PCDH9: variants seen among roughly 807,000 people sequenced by gnomAD.
The protein encoded by PCDH9 is protocadherin 9, also known as protocadherin-9.
PCDH9 carries 24 observed loss-of-function variants against 70.6 expected under a neutral mutation model. The observed-to-expected ratio is 0.34, with a 90% CI of 0.25 to 0.48. PCDH9 has a LOEUF of 0.48. Ranked by LOEUF, PCDH9 falls within the 20% of genes least tolerant of loss-of-function variation. The pLI is 0.99. For synonymous variants in PCDH9, 562 were observed against 558.5 expected (o/e 1.01, Z -0.09); for missense variants, 1,281 against 1,503.6 (o/e 0.85, Z 2.45).
intron 2 of PCDH9, among the ~76,000 whole-genome samples, chr13:67,097,371 T>G (rs2086342747): frequency 6.6e-6 from 1 of 152,184 alleles, no homozygotes; most frequent in South Asian, 2.1e-4. Context: ...TTATGGGCAA[T>G]TTAAGAATTT....
intron 3 of PCDH9, among the ~76,000 whole-genome samples, chr13:66,864,366 G>T (rs1021878413): frequency 2.0e-5 from 3 of 152,024 alleles, no homozygotes; most frequent in Non-Finnish European, 4.4e-5. Context: ...TCCTCAAAAA[G>T]GGGGGTGGGG....
rs1160419381 is a variant in PCDH9, at chr13:66,727,818, G to T, written c.3139-96407C>A. Among the ~76,000 whole-genome samples the T allele has an allele frequency of 2.6e-5, 4 of 151,818 alleles. No individual in the cohort carries two copies. The East Asian group carries it at 7.7e-4, about 29-fold the overall frequency. ...GCCTATGTTTCATTTTTTCCAGTGGGGTCTCAGTATTGAAGAATATCATAT... is the reference window on the plus strand; with the variant it reads ...GCCTATGTTTCATTTTTTCCAGTGGTGTCTCAGTATTGAAGAATATCATAT... On this transcript the variant is annotated intron_variant, in intron 3 of 4. Coordinates refer to ENST00000377865, the MANE Select transcript of PCDH9 (RefSeq NM_203487.3).
chr13:67,081,138 A>C (rs1025440433), intron 2 of PCDH9, among the ~76,000 whole-genome samples: 1 of 152,236 alleles, frequency 6.6e-6, no homozygotes, highest in African/African-American at 2.4e-5. Context: ...AATTTATTAC[A>C]TTAGTAGTAG....
intron 3 of PCDH9, among the ~76,000 whole-genome samples, chr13:66,892,760 G>A (rs1372411535): frequency 1.3e-5 from 2 of 151,940 alleles, no homozygotes; most frequent in African/African-American, 4.8e-5. Flanking sequence ...AATATGCTGG[G>A]CATATATTAT....
chr13:66,417,507 T>C (rs367648241), intron 4 of PCDH9, among the ~76,000 whole-genome samples: 1 of 152,202 alleles, frequency 6.6e-6, no homozygotes, highest in African/African-American at 2.4e-5. Context: ...TGTAACTTTA[T>C]AGTAGAATGA....
chr13:66,363,304 C>T (rs1000073457), intron 4 of PCDH9, among the ~76,000 whole-genome samples: 5 of 152,146 alleles, frequency 3.3e-5, no homozygotes, highest in East Asian at 1.9e-4. Flanking sequence ...AATTTTTCCT[C>T]ATTAGGAAAT....
chr13:66,895,883 G>A (rs2082170411), intron 3 of PCDH9, among the ~76,000 whole-genome samples: 1 of 152,120 alleles, frequency 6.6e-6, no homozygotes, highest in Admixed American at 6.6e-5. Flanking sequence ...CTCTCTTTGT[G>A]CATCATTTTC....
At chr13:66,630,645 G>A (rs1347808579) in intron 4 of PCDH9, 4 of 151,900 alleles carry the variant, frequency 2.6e-5, no homozygotes, top group Non-Finnish European at 4.4e-5. Context: ...GACAATAAAG[G>A]AAAAACAACC....
At chr13:66,932,383 T>C (rs897910092) in intron 2 of PCDH9, among the ~76,000 whole-genome samples, 1 of 152,124 alleles carries the variant, frequency 6.6e-6, no homozygotes, top group African/African-American at 2.4e-5. Flanking sequence ...CATAATTCTT[T>C]AATTCCAAAG....
intron 3 of PCDH9, among the ~76,000 whole-genome samples, chr13:66,751,983 T>A (rs2079466800): frequency 6.6e-6 from 1 of 152,166 alleles, no homozygotes; most frequent in Admixed American, 6.5e-5. Flanking sequence ...ATGGTTTTTT[T>A]AAAAAAGGGA....
At chr13:66,402,850 ATG>A (rs2138299394) in intron 4 of PCDH9, among the ~76,000 whole-genome samples, 1 of 152,330 alleles carries the variant, frequency 6.6e-6, no homozygotes, top group East Asian at 1.9e-4. Flanking sequence ...GCAAAAGTCA[ATG>A]TACATTATGT....
At chr13:66,903,627 T>G in intron 2 of PCDH9, 22 bp from the exon 3 acceptor site, 1 of 1,052,266 alleles carries the variant, frequency 9.5e-7, no homozygotes, top group Non-Finnish European at 1.5e-6. Context: ...TACCAAATAA[T>G]TGTGACAAAC....
chr13:67,168,079 A>G (rs1288707640), intron 2 of PCDH9, among the ~76,000 whole-genome samples: 1 of 152,220 alleles, frequency 6.6e-6, no homozygotes, highest in Non-Finnish European at 1.5e-5. Context: ...AGAAGAAAAC[A>G]TACTGATAAA....
At chr13:67,172,178 A>C (rs2088304945) in intron 2 of PCDH9, among the ~76,000 whole-genome samples, 2 of 152,144 alleles carry the variant, frequency 1.3e-5, no homozygotes, top group African/African-American at 4.8e-5. Context: ...ACTGTCCTTC[A>C]AATCTCAAGT....
intron 2 of PCDH9, chr13:66,914,394 T>C (rs2082523611): frequency 6.6e-6 from 1 of 151,858 alleles, no homozygotes; most frequent in Admixed American, 6.6e-5. Context: ...CTTTTAATCC[T>C]CAGGCCACAG....
At chr13:66,549,401 T>C (rs1251992567) in intron 4 of PCDH9, among the ~76,000 whole-genome samples, 1 of 152,142 alleles carries the variant, frequency 6.6e-6, no homozygotes, top group Non-Finnish European at 1.5e-5. Context: ...AGTAGTGCTA[T>C]TATACACATC....
At chr13:66,632,396 A>G (rs1314325603) in intron 3 of PCDH9, among the ~76,000 whole-genome samples, 1 of 152,234 alleles carries the variant, frequency 6.6e-6, no homozygotes, top group East Asian at 1.9e-4. Context: ...AAAGAGATTA[A>G]ATTAGAAATT....
chr13:66,455,649 C>A (rs1958304212), intron 4 of PCDH9, among the ~76,000 whole-genome samples: 1 of 151,910 alleles, frequency 6.6e-6, no homozygotes, highest in Admixed American at 6.6e-5. Context: ...TCATTTTTAC[C>A]AGTTCTATAT....
chr13:66,928,700 T>C lies in PCDH9; in HGVS notation c.3037-25095A>G, dbSNP rs144362479. 1.4e-3 allele frequency among the ~76,000 whole-genome samples: 217 copies of C among 152,166 alleles called. 1 individual carries two copies. Among genetic ancestry groups the C allele is most frequent in the African/African-American group, 5.0e-3 (206 of 41,530 alleles). On this transcript the variant is annotated intron_variant, in intron 2 of 4. Coordinates refer to ENST00000377865, the MANE Select transcript of PCDH9 (RefSeq NM_203487.3). Reference sequence around the variant, plus strand: ...CACAGCAAGAAGTCACCATGTCTGATCTAGGAAGCAGGCCCTCAACCAGAT... The same window carrying C: ...CACAGCAAGAAGTCACCATGTCTGACCTAGGAAGCAGGCCCTCAACCAGAT...
Sources: gnomAD v4.1 joint callset for allele counts (sites outside exome capture counted in the v4.1 genomes callset) on GRCh38, gnomAD v4.1.1 for gene constraint, MANE v1.5 for transcripts, NCBI Gene and HGNC (gene_info 2026-07-23, HGNC 2026-07-21) for gene names.